The following CHN2 variants were observed in gnomAD, a reference collection of about 807,000 sequenced individuals.
CHN2 encodes chimerin 2, also known as beta-chimaerin.
Under a neutral mutation model 56.3 loss-of-function variants are expected in CHN2, and 35 were observed. The ratio of observed to expected loss-of-function variants is 0.62; its 90% confidence interval spans 0.47 to 0.82. The LOEUF (loss-of-function observed/expected upper bound fraction) is 0.82. Ranked by LOEUF, CHN2 falls within the 40% of genes least tolerant of loss-of-function variation. The pLI is 0.00. For missense variants in CHN2, 491 were observed against 580.5 expected (o/e 0.85, Z 1.58); for synonymous variants, 210 against 212.8 (o/e 0.99, Z 0.12).
rs752359692 is a variant in CHN2 at position 29,279,483 on chromosome 7, C to T, written c.50-75142C>T. Among the ~76,000 whole-genome samples, 30 of 152,268 alleles carry T rather than the reference C, an allele frequency of 2.0e-4. 1 individual carries two copies. The highest frequency in any genetic ancestry group is 2.9e-4 in the Non-Finnish European group (20 of 68,052). On this transcript the variant is annotated intron_variant, in intron 1 of 12. Transcript: ENST00000222792. ...TTTATGGAGACCTGAATTTGTTCCA[C>T]ATGTTGGGAATACCTTCACTAGAGA...
At chr7:29,259,023 TAAA>T (rs34469755) in intron 1 of CHN2, among the ~76,000 whole-genome samples, 16 of 142,850 alleles carry the variant, frequency 1.1e-4, no homozygotes, top group Admixed American at 2.1e-4. Context: ...CTATGTAGCT[TAAA>T]AAAAAAAAAA....
intron 1 of CHN2, among the ~76,000 whole-genome samples, chr7:29,246,572 A>G (rs1453909262): frequency 6.6e-6 from 1 of 152,204 alleles, no homozygotes; most frequent in Admixed American, 6.5e-5. Flanking sequence ...CTATGGAGTC[A>G]AAGGTAAACA....
intron 7 of CHN2, among the ~76,000 whole-genome samples, chr7:29,482,123 C>A (rs944602223): frequency 6.6e-6 from 1 of 152,210 alleles, no homozygotes; most frequent in African/African-American, 2.4e-5. Flanking sequence ...ACACCAGCAG[C>A]TCTTCTAATA....
At chr7:29,161,541 G>C (rs867448616) in intron 2 of CHN2, among the ~76,000 whole-genome samples, 64 of 152,040 alleles carry the variant, frequency 4.2e-4, no homozygotes, top group African/African-American at 1.5e-3. Flanking sequence ...CCTGGTCCTG[G>C]TTATTGTGGT....
rs188275539 is a variant in CHN2, at chr7:29,488,807, A to G, written c.655-7145A>G. Among the ~76,000 whole-genome samples, 4 of 152,288 alleles carry G rather than the reference A, an allele frequency of 2.6e-5. No homozygotes were observed. The East Asian group carries it at 7.7e-4, about 29-fold the overall frequency. ...GGCCAGCGATGCTGCCAAACATCCC[A>G]CAATGTACGAGGCAGACCCCCACAA... On this transcript the variant is annotated intron_variant, in intron 7 of 12. Transcript: ENST00000222792.
intron 1 of CHN2, among the ~76,000 whole-genome samples, chr7:29,211,288 C>T (rs1433272013): frequency 4.0e-5 from 6 of 151,740 alleles, no homozygotes; most frequent in South Asian, 2.1e-4. Flanking sequence ...CCATGTTAGC[C>T]GGGATGGTCT....
intron 2 of CHN2, among the ~76,000 whole-genome samples, chr7:29,358,234 A>G (rs6948298): frequency 0.34 from 52,252 of 151,790 alleles, 10,929 homozygotes; most frequent in East Asian, 0.58. Context: ...CATTATTCCT[A>G]CAAGAAAATT....
chr7:29,163,544 C>G (rs1015249466), intron 2 of CHN2, among the ~76,000 whole-genome samples: 4 of 151,974 alleles, frequency 2.6e-5, no homozygotes, highest in African/African-American at 9.7e-5. Context: ...AGACAATATC[C>G]ATTTTTTTTT....
intron 1 of CHN2, among the ~76,000 whole-genome samples, chr7:29,217,103 G>A (rs1785401810): frequency 6.6e-6 from 1 of 152,202 alleles, no homozygotes; most frequent in Non-Finnish European, 1.5e-5. Context: ...ACCGTTTGTG[G>A]TCAGCTGGAA....
chr7:29,392,994 A>C (rs1314283993), intron 3 of CHN2, among the ~76,000 whole-genome samples: 1 of 152,238 alleles, frequency 6.6e-6, no homozygotes, highest in African/African-American at 2.4e-5. Context: ...CATCATAAAC[A>C]TGTGAAAACA....
chr7:29,176,364 GA>G (rs979527259), intron 2 of CHN2, among the ~76,000 whole-genome samples: 3 of 150,620 alleles, frequency 2.0e-5, no homozygotes, highest in Admixed American at 6.6e-5. Context: ...AGAGGAAAAA[GA>G]AAAAAAAATG....
At chr7:29,212,883 G>A in intron 1 of CHN2, 2 of 1,610,660 alleles carry the variant, frequency 1.2e-6, no homozygotes, top group African/African-American at 1.3e-5. Context: ...ACCTTCCAAT[G>A]TGGAGCAACC....
At chr7:29,490,271 A>G (rs774339291) in intron 7 of CHN2, among the ~76,000 whole-genome samples, 16 of 152,050 alleles carry the variant, frequency 1.1e-4, no homozygotes, top group Middle Eastern at 3.2e-3. Flanking sequence ...CACCTGCTCA[A>G]TCTTTCCCAG....
intron 2 of CHN2, among the ~76,000 whole-genome samples, chr7:29,360,130 TACTTAC>T (rs1325393422): frequency 6.6e-6 from 1 of 152,230 alleles, no homozygotes; most frequent in Non-Finnish European, 1.5e-5. Context: ...CTCTTATACA[TACTTAC>T]GCCTGAAACC....
At chr7:29,438,038 T>C (rs1280863008) in intron 6 of CHN2, among the ~76,000 whole-genome samples, 1 of 152,164 alleles carries the variant, frequency 6.6e-6, no homozygotes, top group Non-Finnish European at 1.5e-5. Context: ...TGTAGTAAAA[T>C]CTGCAACACA....
At chr7:29,376,914 C>T in intron 3 of CHN2, among the ~76,000 whole-genome samples, 1 of 151,990 alleles carries the variant, frequency 6.6e-6, no homozygotes, top group East Asian at 1.9e-4. Flanking sequence ...TTGATTAAGC[C>T]TGATCTCCTC....
chr7:29,412,681 T>G (rs1224541650), intron 6 of CHN2, among the ~76,000 whole-genome samples: 1 of 152,174 alleles, frequency 6.6e-6, no homozygotes, highest in Non-Finnish European at 1.5e-5. Context: ...ACTTGTGATA[T>G]TTCCGGGAAA....
intron 1 of CHN2, chr7:29,213,334 A>C: frequency 2.9e-6 from 2 of 691,338 alleles, no homozygotes; most frequent in Non-Finnish European, 2.6e-6. Flanking sequence ...TCTGGCTTCC[A>C]TTATGCCTAT....
At chr7:29,387,826 TC>T (rs953948725) in intron 3 of CHN2, among the ~76,000 whole-genome samples, 15 of 152,232 alleles carry the variant, frequency 9.9e-5, no homozygotes, top group African/African-American at 3.6e-4. Flanking sequence ...ATAGTAACTT[TC>T]GAATCTTTGG....
Sources: allele counts gnomAD v4.1 joint callset (sites outside exome capture counted in the v4.1 genomes callset), GRCh38; gene constraint gnomAD v4.1.1; transcripts MANE v1.5; gene names NCBI Gene and HGNC (gene_info 2026-07-23, HGNC 2026-07-21).